SCAND3: variants seen among roughly 807,000 people sequenced by gnomAD.
SCAND3 encodes the protein SCAN domain containing 3.
At chr6:28,578,752 AT>A in the SCAND3 span, among the ~76,000 whole-genome samples, 1 of 152,184 alleles carries the variant, frequency 6.6e-6, no homozygotes, top group South Asian at 2.1e-4. Context: ...CATTGTATCC[AT>A]TTTACCTAAT....
the SCAND3 span, chr6:28,572,560 C>G: frequency 6.2e-7 from 1 of 1,613,902 alleles, no homozygotes; most frequent in African/African-American, 1.3e-5. The surrounding 1 kb of genome is among the most constrained non-coding windows in gnomAD (Gnocchi z 4.1). Flanking sequence ...ATTAAAAATA[C>G]TGAAGATATC....
the SCAND3 span, chr6:28,573,962 A>C: frequency 8.7e-7 from 1 of 1,151,986 alleles, no homozygotes; most frequent in Non-Finnish European, 1.1e-6. Flanking sequence ...AAATAAATAA[A>C]TGCCTATATT....
At chr6:28,610,374 T>C in the SCAND3 span, among the ~76,000 whole-genome samples, 147 of 152,052 alleles carry the variant, frequency 9.7e-4, no homozygotes, top group Admixed American at 2.4e-3. Context: ...ATACAACAAA[T>C]TAGCTGGGTG....
At chr6:28,604,387 C>T in the SCAND3 span, among the ~76,000 whole-genome samples, 10 of 151,940 alleles carry the variant, frequency 6.6e-5, no homozygotes, top group Non-Finnish European at 1.0e-4. Flanking sequence ...GAGGCTGAGG[C>T]GGGTGGATTA....
At chr6:28,572,064 G>T in the SCAND3 span, 1 of 1,614,014 alleles carries the variant, frequency 6.2e-7, no homozygotes, top group Non-Finnish European at 8.5e-7. This position sits in a 1 kb window ranked among gnomAD's most constrained non-coding sequence, Gnocchi z 4.1. Context: ...TCTCACAGAG[G>T]TATGTTGAGG....
chr6:28,574,695 T>C, the SCAND3 span: 974 of 1,614,004 alleles, frequency 6.0e-4, 1 homozygote, highest in Non-Finnish European at 7.5e-4. Context: ...GCTTTAGCAT[T>C]TTGGAAGGTT....
chr6:28,575,420 CA>C, the SCAND3 span: 2 of 1,613,930 alleles, frequency 1.2e-6, no homozygotes, highest in Non-Finnish European at 1.7e-6. This position sits in a 1 kb window ranked among gnomAD's most constrained non-coding sequence, Gnocchi z 4.2. Context: ...CTGGGTGCTC[CA>C]ATAATTGTAA....
chr6:28,589,620 G>C, the SCAND3 span: 1 of 152,148 alleles, frequency 6.6e-6, no homozygotes, highest in African/African-American at 2.4e-5. Context: ...TCGCCTAGAA[G>C]AACGCTTTCA....
the SCAND3 span, among the ~76,000 whole-genome samples, chr6:28,615,671 G>A: frequency 6.6e-6 from 1 of 151,316 alleles, no homozygotes; most frequent in African/African-American, 2.4e-5. Context: ...ACAGTAGTGA[G>A]GAATAAAATG....
At chr6:28,594,357 T>C in the SCAND3 span, 1 of 152,184 alleles carries the variant, frequency 6.6e-6, no homozygotes, top group Admixed American at 6.5e-5. Flanking sequence ...GATGGATATA[T>C]AAAGAAAATG....
At chr6:28,579,489 C>G in the SCAND3 span, 1 of 1,346,408 alleles carries the variant, frequency 7.4e-7, no homozygotes, top group South Asian at 1.3e-5. The surrounding 1 kb of genome is among the most constrained non-coding windows in gnomAD (Gnocchi z 4.5). Context: ...AACTTGTATT[C>G]TTCCACTAAA....
chr6:28,572,331 T>G, the SCAND3 span: 265 of 1,600,516 alleles, frequency 1.7e-4, no homozygotes, highest in South Asian at 1.0e-4. The surrounding 1 kb of genome is among the most constrained non-coding windows in gnomAD (Gnocchi z 4.1). Flanking sequence ...CAAAACATTC[T>G]AACAAATTTG....
At chr6:28,588,693 A>G in the SCAND3 span, among the ~76,000 whole-genome samples, 2 of 152,236 alleles carry the variant, frequency 1.3e-5, no homozygotes, top group Non-Finnish European at 2.9e-5. This position sits in a 1 kb window ranked among gnomAD's most constrained non-coding sequence, Gnocchi z 4.1. Flanking sequence ...ATCATACTAG[A>G]CTACAATTCA....
At chr6:28,603,097 G>C in the SCAND3 span, among the ~76,000 whole-genome samples, 18 of 151,456 alleles carry the variant, frequency 1.2e-4, no homozygotes, top group East Asian at 3.5e-3. Context: ...CGAGTAGCTG[G>C]GACTACAGGT....
At chr6:28,589,863 T>TG in the SCAND3 span, 8 of 149,868 alleles carry the variant, frequency 5.3e-5, no homozygotes, top group African/African-American at 1.2e-4. Flanking sequence ...TTTGTTTTTT[T>TG]TTTTTTTTTT....
chr6:28,570,551 A>C, the SCAND3 span: 1 of 152,218 alleles, frequency 6.6e-6, no homozygotes, highest in East Asian at 1.9e-4. Context: ...TTAAGGTTTC[A>C]GGACTAAATA....
At chr6:28,578,388 T>C in the SCAND3 span, among the ~76,000 whole-genome samples, 3 of 152,158 alleles carry the variant, frequency 2.0e-5, no homozygotes, top group Non-Finnish European at 4.4e-5. Context: ...AGACTGTAAG[T>C]TTCTAAAGAA....
chr6:28,611,719 T>G, the SCAND3 span, among the ~76,000 whole-genome samples: 1 of 152,200 alleles, frequency 6.6e-6, no homozygotes. Context: ...CAACCACTCC[T>G]AGACAATTTT....
chr6:28,600,116 TG>T, the SCAND3 span, among the ~76,000 whole-genome samples: 1 of 151,724 alleles, frequency 6.6e-6, no homozygotes, highest in African/African-American at 2.4e-5. Flanking sequence ...GCAAAACATC[TG>T]GAAAAAAAAA....
Sources: allele counts gnomAD v4.1 joint callset (sites outside exome capture counted in the v4.1 genomes callset), GRCh38; gene constraint gnomAD v4.1.1; non-coding constraint Gnocchi (gnomAD v3.1); transcripts MANE v1.5; gene names NCBI Gene and HGNC (gene_info 2026-07-23, HGNC 2026-07-21).